Variants in PKHD1L1 observed in about 807,000 individuals in gnomAD.
The protein encoded by PKHD1L1 is fibrocystin-L.
PKHD1L1 carries 434 observed loss-of-function variants against 462.9 expected under a neutral mutation model. The observed-to-expected ratio is 0.94, with a 90% confidence interval of 0.87 to 1.02. The LOEUF is 1.02. Among genes scored for constraint, PKHD1L1 ranks in the 50% least tolerant of loss-of-function variants. The pLI, the probability that PKHD1L1 is intolerant of heterozygous loss-of-function variation, is 0.00. For missense variants in PKHD1L1, 5,202 were observed against 5,096.1 expected, an observed-to-expected ratio of 1.02 and a Z score of -0.63; for synonymous variants, 1,781 against 1,750.0, an observed-to-expected ratio of 1.02 and a Z score of -0.44.
chr8:109,428,068 A>T, intron 25 of PKHD1L1, among the ~76,000 whole-genome samples: 2 of 147,218 alleles, frequency 1.4e-5, no homozygotes, highest in Admixed American at 6.8e-5. Context: ...TCTGGTGATG[A>T]TGAGAGTGCA....
At chr8:109,441,823 T>C (rs1337214343) in intron 34 of PKHD1L1, among the ~76,000 whole-genome samples, 184 bp from the exon 35 acceptor site, 1 of 152,170 alleles carries the variant, frequency 6.6e-6, no homozygotes, top group African/African-American at 2.4e-5. Flanking sequence ...CTTATCTTCT[T>C]ATTACCTTGC....
intron 62 of PKHD1L1, 46 bp downstream of exon 62, chr8:109,492,040 GTTA>G: frequency 1.5e-6 from 2 of 1,307,648 alleles, no homozygotes; most frequent in Non-Finnish European, 2.0e-6. Flanking sequence ...AATTATATCA[GTTA>G]TTGAAAAATA....
intron 51 of PKHD1L1, among the ~76,000 whole-genome samples, chr8:109,476,272 C>T (rs1013281815): frequency 6.6e-6 from 1 of 150,604 alleles, no homozygotes; most frequent in Admixed American, 6.6e-5. Context: ...TATATACATA[C>T]ACACACACAG....
At chr8:109,520,829 T>C (rs777333484) in intron 73 of PKHD1L1, among the ~76,000 whole-genome samples, 6 of 152,184 alleles carry the variant, frequency 3.9e-5, no homozygotes, top group Non-Finnish European at 8.8e-5. Flanking sequence ...CTTTGGTTTC[T>C]AGATGGCAAT....
Position 109,491,856 on chromosome 8 carries a change from T to C in PKHD1L1, c.10115-17T>C. 6.5e-7 allele frequency: 1 copy of C among 1,538,874 alleles called. No individual in the cohort carries two copies. The highest frequency in any genetic ancestry group is 1.2e-5 in the South Asian group (1 of 83,652). ...GTTTTTTGGGGATTTTCTTTCTTTTTTTCTTTTTTTAAACAGGCATAAGAA... is the reference window on the plus strand; with the variant it reads ...GTTTTTTGGGGATTTTCTTTCTTTTCTTCTTTTTTTAAACAGGCATAAGAA... On this transcript the variant is annotated splice_polypyrimidine_tract_variant and intron_variant, in intron 61 of 77. Transcript: ENST00000378402.
chr8:109,480,959 C>T lies in PKHD1L1; in HGVS notation c.9328-474C>T, dbSNP rs371001749. Among the ~76,000 whole-genome samples, 249 of 151,914 alleles carry T rather than the reference C, an allele frequency of 1.6e-3. 1 individual carries two copies. Among genetic ancestry groups the T allele is most frequent in the African/African-American group, 5.6e-3 (233 of 41,484 alleles). On this transcript the variant is annotated intron_variant, in intron 55 of 77. Coordinates refer to ENST00000378402, the MANE Select transcript of PKHD1L1 (RefSeq NM_177531.6). ...CACCTGTGAAATAAGGATAATAATA[C>T]TAATTCATGAATTTGGTGTAAAGAA...
At chr8:109,511,625 T>G (rs1303370555) in intron 71 of PKHD1L1, among the ~76,000 whole-genome samples, 1 of 152,066 alleles carries the variant, frequency 6.6e-6, no homozygotes, top group African/African-American at 2.4e-5. Flanking sequence ...TCCAAGTCTT[T>G]GCTATTGTGA....
chr8:109,465,483 T>C lies in PKHD1L1; in HGVS notation c.8413+238T>C, dbSNP rs190107289. ...GTCCTTTTTCTCCTGCATTGGCACATTGATTTTAAATTAACAGAAAATTTT... is the reference window on the plus strand; with the variant it reads ...GTCCTTTTTCTCCTGCATTGGCACACTGATTTTAAATTAACAGAAAATTTT... On this transcript the variant is annotated intron_variant, in intron 49 of 77. Coordinates refer to ENST00000378402, the MANE Select transcript of PKHD1L1 (RefSeq NM_177531.6). 3.9e-5 allele frequency among the ~76,000 whole-genome samples: 6 copies of C among 152,266 alleles called. No individual in the cohort carries two copies. In the East Asian group the frequency reaches 7.7e-4, roughly 20 times the overall value.
intron 35 of PKHD1L1, 37 bp downstream of exon 35, chr8:109,442,232 T>C (rs2130743817): frequency 1.3e-6 from 2 of 1,544,756 alleles, no homozygotes; most frequent in Non-Finnish European, 8.8e-7. Flanking sequence ...ATCATGTCAC[T>C]TTTTCCTAAA....
chr8:109,514,976 G>A (rs1820188385), intron 71 of PKHD1L1, among the ~76,000 whole-genome samples, 194 bp from the exon 72 acceptor site: 1 of 151,978 alleles, frequency 6.6e-6, no homozygotes, highest in African/African-American at 2.4e-5. Context: ...AGTCAATTAA[G>A]GGTTAAGTTG....
At chr8:109,490,103 AT>A in intron 60 of PKHD1L1, 48 bp downstream of exon 60, 2 of 1,173,722 alleles carry the variant, frequency 1.7e-6, no homozygotes, top group East Asian at 2.6e-5. Context: ...TATGCAAAAT[AT>A]TTTTATTTTC....
In PKHD1L1 at chr8:109,476,505, T is replaced by C. The variant is rs1369796125; in HGVS notation, c.8758-3T>C. The stretch of plus-strand genomic sequence containing the variant: ...AGTCACATTTTTCTATAAACTTTTA[T>C]AGGAAGAAGACTATGTAATTATATC... On this transcript the variant is annotated splice_polypyrimidine_tract_variant and splice_region_variant and intron_variant, in intron 51 of 77. Transcript: ENST00000378402. 6.9e-7 allele frequency: 1 copy of C among 1,440,154 alleles called. No homozygotes were observed. The highest frequency in any genetic ancestry group is 1.4e-5 in the African/African-American group (1 of 69,306). 89.2% of individuals were successfully genotyped at this position (1,440,154 alleles called of 1,614,324 possible). A position where few individuals can be genotyped will look rare whatever the true frequency, so the allele number is the denominator to read the frequency against.
chr8:109,479,525 T>A, intron 53 of PKHD1L1, 26 bp from the exon 54 acceptor site: 1 of 1,354,614 alleles, frequency 7.4e-7, no homozygotes, highest in Non-Finnish European at 1.0e-6. Context: ...TAGTAATTCA[T>A]GGAAGTATTT....
chr8:109,391,490 G>C (rs1283463889), intron 9 of PKHD1L1, among the ~76,000 whole-genome samples: 1 of 152,130 alleles, frequency 6.6e-6, no homozygotes, highest in African/African-American at 2.4e-5. Context: ...GGCTGTCATA[G>C]TAACTGGGTA....
intron 25 of PKHD1L1, among the ~76,000 whole-genome samples, chr8:109,428,215 T>C (rs142180637): frequency 8.9e-4 from 135 of 152,150 alleles, no homozygotes; most frequent in African/African-American, 3.1e-3. Context: ...TCTACTGAAA[T>C]AATAAGATAA....
rs777284189 is a variant in PKHD1L1 at position 109,531,388 on chromosome 8, A to G, written c.*1298A>G. On this transcript the variant is annotated 3_prime_UTR_variant, in exon 78 of 78. Coordinates refer to ENST00000378402, the MANE Select transcript of PKHD1L1 (RefSeq NM_177531.6). ...GAAGAGTTTTCAGGATATTTGGGGAAAGAATGGAAACAGACCATTTCAATA... is the reference window on the plus strand; with the variant it reads ...GAAGAGTTTTCAGGATATTTGGGGAGAGAATGGAAACAGACCATTTCAATA... Among the ~76,000 whole-genome samples, 1 of 152,212 alleles carries G rather than the reference A, an allele frequency of 6.6e-6. No individual in the cohort carries two copies. The highest frequency in any genetic ancestry group is 1.5e-5 in the Non-Finnish European group (1 of 68,042).
intron 23 of PKHD1L1, among the ~76,000 whole-genome samples, chr8:109,422,748 T>C (rs1814538057): frequency 6.6e-6 from 1 of 152,160 alleles, no homozygotes; most frequent in Non-Finnish European, 1.5e-5. Context: ...AGTGCAATTA[T>C]AGGGTTGTAT....
At chr8:109,431,239 C>T (rs1002915102) in intron 27 of PKHD1L1, among the ~76,000 whole-genome samples, 21 of 152,250 alleles carry the variant, frequency 1.4e-4, no homozygotes, top group African/African-American at 4.6e-4. Flanking sequence ...CCCAATATAA[C>T]AATCTGAATT....
Position 109,483,010 on chromosome 8 carries a change from C to T in PKHD1L1, c.9481C>T (p.His3161Tyr). The change falls in exon 57 of 78, where the codon CAT becomes TAT. Residue 3161 changes from histidine (H) to tyrosine (Y), a missense_variant. Coordinates refer to ENST00000378402, the MANE Select transcript of PKHD1L1 (RefSeq NM_177531.6). ...VLGVFGELDLHGIPHSIYKTK... is the reference protein window; with the variant it reads ...VLGVFGELDLYGIPHSIYKTK... The stretch of plus-strand genomic sequence containing the variant: ...AGGGGTGTTTGGTGAGCTGGATCTT[C>T]ATGGAATTCCACATTCAATATATAA... 3 of 1,593,960 alleles carry T rather than the reference C, an allele frequency of 1.9e-6. No homozygotes were observed. Among genetic ancestry groups the T allele is most frequent in the Non-Finnish European group, 2.6e-6 (3 of 1,170,466 alleles).
Sources: allele counts gnomAD v4.1 joint callset (sites outside exome capture counted in the v4.1 genomes callset), GRCh38; gene constraint gnomAD v4.1.1; transcripts MANE v1.5; gene names NCBI Gene and HGNC (gene_info 2026-07-23, HGNC 2026-07-21).